The following MAF variants were observed in gnomAD, a reference collection of about 807,000 sequenced individuals.
MAF encodes the protein transcription factor Maf.
In MAF, 10 loss-of-function variants were observed where a neutral mutation model predicts 22.0. That is an observed-to-expected ratio of 0.45 (90% CI 0.28 to 0.77). The LOEUF (loss-of-function observed/expected upper bound fraction) is 0.77, where lower values mean the gene tolerates loss of function less well. Ranked by LOEUF, MAF falls within the 30% of genes least tolerant of loss-of-function variation. The probability of loss-of-function intolerance (pLI) is 0.12; values close to 1 mark genes in which losing one functional copy is unlikely to be tolerated. For synonymous variants in MAF, 337 were observed against 255.8 expected, an observed-to-expected ratio of 1.32 and a Z score of -3.03; for missense variants, 544 against 548.4, an observed-to-expected ratio of 0.99 and a Z score of 0.08.
At chr16:79,241,815 G>C in the MAF span, among the ~76,000 whole-genome samples, 1 of 152,054 alleles carries the variant, frequency 6.6e-6, no homozygotes, top group Non-Finnish European at 1.5e-5. Flanking sequence ...TACCCACAAA[G>C]GGAAGCCCAT....
chr16:79,493,921 T>C, the MAF span, among the ~76,000 whole-genome samples: 1 of 151,778 alleles, frequency 6.6e-6, no homozygotes, highest in Admixed American at 6.6e-5. Context: ...TTTTTTTTTT[T>C]CCTTGAGGGC....
the MAF span, among the ~76,000 whole-genome samples, chr16:79,547,535 A>C: frequency 6.6e-6 from 1 of 152,220 alleles, no homozygotes; most frequent in South Asian, 2.1e-4. Context: ...ATACTAAAAA[A>C]AAACCTTTGT....
At chr16:79,504,906 TAC>T in the MAF span, among the ~76,000 whole-genome samples, 1 of 152,278 alleles carries the variant, frequency 6.6e-6, no homozygotes, top group African/African-American at 2.4e-5. Context: ...CACAAACACA[TAC>T]ACACACAGTG....
chr16:79,520,012 C>A, the MAF span, among the ~76,000 whole-genome samples: 1 of 152,216 alleles, frequency 6.6e-6, no homozygotes, highest in African/African-American at 2.4e-5. Context: ...GATGCTGGAA[C>A]TGCATTGAGT....
chr16:79,596,089 G>A lies in MAF; in HGVS notation c.1119-1536C>T, dbSNP rs991760089. On this transcript the variant is annotated intron_variant, in intron 1 of 1. Coordinates refer to ENST00000326043, the MANE Select transcript of MAF (RefSeq NM_005360.5). ...TCTTTACCGTTCAATGCATATGTGC[G>A]CAAGCCACCTCTGATGCGCCATATT... 18 of 1,061,988 alleles carry A rather than the reference G, an allele frequency of 1.7e-5. No homozygotes were observed. In the South Asian group the frequency reaches 2.3e-4, roughly 13 times the overall value. 65.8% of individuals were successfully genotyped at this position (1,061,988 alleles called of 1,614,324 possible).
At chr16:79,447,891 C>CA in the MAF span, among the ~76,000 whole-genome samples, 1,884 of 72,602 alleles carry the variant, frequency 0.026, 55 homozygotes, top group Non-Finnish European at 0.033. Context: ...GATTCCATCT[C>CA]AAAAAAAAAA....
chr16:79,484,663 C>G, the MAF span, among the ~76,000 whole-genome samples: 1 of 152,136 alleles, frequency 6.6e-6, no homozygotes, highest in Non-Finnish European at 1.5e-5. Flanking sequence ...CCTCGTTGGT[C>G]CAGCTTTGGG....
At chr16:79,383,828 C>A in the MAF span, among the ~76,000 whole-genome samples, 1 of 151,994 alleles carries the variant, frequency 6.6e-6, no homozygotes, top group Non-Finnish European at 1.5e-5. Context: ...TCAAAAAGAG[C>A]CTTATAGTTT....
chr16:79,553,193 C>G, the MAF span, among the ~76,000 whole-genome samples: 9 of 152,256 alleles, frequency 5.9e-5, no homozygotes, highest in Middle Eastern at 3.2e-3. Flanking sequence ...TCTGCCTCGG[C>G]AACAGCTCTG....
At chr16:79,204,731 C>G in the MAF span, 1 of 152,236 alleles carries the variant, frequency 6.6e-6, no homozygotes, top group African/African-American at 2.4e-5. Flanking sequence ...CTTGGCCTTC[C>G]CAGAACAAAC....
chr16:79,223,520 A>T, the MAF span, among the ~76,000 whole-genome samples: 1 of 152,220 alleles, frequency 6.6e-6, no homozygotes, highest in Admixed American at 6.5e-5. Flanking sequence ...ATCAGAGCAG[A>T]ACTGAAGGAG....
chr16:79,228,527 G>T, the MAF span, among the ~76,000 whole-genome samples: 2 of 151,984 alleles, frequency 1.3e-5, no homozygotes, highest in Admixed American at 6.6e-5. Context: ...CATTTCTGTG[G>T]CTGTGAGTCT....
the MAF span, among the ~76,000 whole-genome samples, chr16:79,265,868 A>T: frequency 6.6e-6 from 1 of 152,292 alleles, no homozygotes; most frequent in South Asian, 2.1e-4. Flanking sequence ...GAACATGAGC[A>T]CTGTGATACG....
the MAF span, among the ~76,000 whole-genome samples, chr16:79,442,743 C>T: frequency 6.6e-6 from 1 of 152,194 alleles, no homozygotes; most frequent in Non-Finnish European, 1.5e-5. Flanking sequence ...TTCCATCTCC[C>T]AGTAGCCAGT....
chr16:79,250,763 T>C, the MAF span, among the ~76,000 whole-genome samples: 1,465 of 152,302 alleles, frequency 9.6e-3, 27 homozygotes, highest in African/African-American at 0.033. Context: ...CCGTTACGCA[T>C]TGATTCCATG....
At chr16:79,585,552 T>C (rs535351889), downstream of MAF, among the ~76,000 whole-genome samples, 4 of 152,152 alleles carry the variant, frequency 2.6e-5, no homozygotes, top group Admixed American at 6.6e-5. Flanking sequence ...TAGACTCACG[T>C]TGGATAAAGC....
chr16:79,347,625 C>A, the MAF span, among the ~76,000 whole-genome samples: 1 of 152,168 alleles, frequency 6.6e-6, no homozygotes, highest in Non-Finnish European at 1.5e-5. Flanking sequence ...AGAGAAAGAT[C>A]TGAGCCGGGT....
chr16:79,386,380 A>G, the MAF span, among the ~76,000 whole-genome samples: 5 of 152,300 alleles, frequency 3.3e-5, no homozygotes, highest in East Asian at 9.7e-4. Flanking sequence ...TGTAACCCAG[A>G]TCCCTCAGAT....
chr16:79,443,904 T>C, the MAF span, among the ~76,000 whole-genome samples: 2 of 152,168 alleles, frequency 1.3e-5, no homozygotes, highest in Admixed American at 6.5e-5. Context: ...AAGCCACTTG[T>C]GGTTGTTTTT....
Sources: allele counts gnomAD v4.1 joint callset (sites outside exome capture counted in the v4.1 genomes callset), GRCh38; gene constraint gnomAD v4.1.1; transcripts MANE v1.5; gene names NCBI Gene and HGNC (gene_info 2026-07-23, HGNC 2026-07-21).